SND1: variants seen among roughly 807,000 people sequenced by gnomAD.
The protein encoded by SND1 is staphylococcal nuclease domain-containing protein 1.
In SND1, 38 loss-of-function variants were observed where a neutral mutation model predicts 121.7. The ratio of observed to expected loss-of-function variants is 0.31; its 90% CI spans 0.24 to 0.41. The LOEUF (loss-of-function observed/expected upper bound fraction) is 0.41, where lower values mean the gene tolerates loss of function less well. Among genes scored for constraint, SND1 ranks in the 10% least tolerant of loss-of-function variants. The pLI is 1.00. For missense variants in SND1, 868 were observed against 1,184.6 expected (o/e 0.73, Z 3.92); for synonymous variants, 401 against 447.4 (o/e 0.90, Z 1.31).
chr7:127,864,952 T>A (rs1799442835), intron 12 of SND1, among the ~76,000 whole-genome samples: 1 of 152,196 alleles, frequency 6.6e-6, no homozygotes, highest in Non-Finnish European at 1.5e-5. Flanking sequence ...GTAGACCATA[T>A]GAATGAGGAT....
intron 10 of SND1, among the ~76,000 whole-genome samples, chr7:127,798,381 C>G (rs1275762850): frequency 1.3e-5 from 2 of 152,210 alleles, no homozygotes; most frequent in Non-Finnish European, 2.9e-5. Flanking sequence ...GACATGCCTA[C>G]TCTTGCCATT....
chr7:127,928,906 A>G (rs1283684926), intron 14 of SND1, among the ~76,000 whole-genome samples: 4 of 152,188 alleles, frequency 2.6e-5, no homozygotes, highest in Non-Finnish European at 5.9e-5. Flanking sequence ...ATTTTGTGTT[A>G]AAGGAAGATG....
At chr7:127,716,620 C>A (rs1279151566) in intron 9 of SND1, among the ~76,000 whole-genome samples, 1 of 151,930 alleles carries the variant, frequency 6.6e-6, no homozygotes, top group Non-Finnish European at 1.5e-5. Flanking sequence ...AGTTTTTTAC[C>A]TATACGTCAT....
chr7:127,895,703 T>C (rs1800106037), intron 13 of SND1, among the ~76,000 whole-genome samples: 2 of 152,128 alleles, frequency 1.3e-5, no homozygotes, highest in African/African-American at 4.8e-5. Context: ...TGGGGAAATT[T>C]AGCTTTTCCC....
chr7:127,667,441 A>G (rs1246599887), intron 1 of SND1, among the ~76,000 whole-genome samples: 1 of 152,120 alleles, frequency 6.6e-6, no homozygotes, highest in African/African-American at 2.4e-5. Flanking sequence ...TGTACAGTAC[A>G]TTTTACTCAG....
intron 16 of SND1, among the ~76,000 whole-genome samples, chr7:128,032,296 T>G (rs1405358283): frequency 6.7e-6 from 1 of 149,230 alleles, no homozygotes; most frequent in African/African-American, 2.5e-5. Context: ...CTTCCTCCTC[T>G]CTTCCTCTCT....
intron 2 of SND1, among the ~76,000 whole-genome samples, chr7:127,688,760 T>A (rs909501921): frequency 1.3e-5 from 2 of 151,630 alleles, no homozygotes; most frequent in Non-Finnish European, 2.9e-5. Flanking sequence ...AATTTCTGGA[T>A]TCCAATTATT....
chr7:127,939,030 G>C (rs2116835468), intron 15 of SND1, among the ~76,000 whole-genome samples: 1 of 152,290 alleles, frequency 6.6e-6, no homozygotes, highest in Non-Finnish European at 1.5e-5. Context: ...AAGCATAAGG[G>C]TAAGCAAAAC....
At chr7:128,074,717 T>C in intron 17 of SND1, 27 bp downstream of exon 17, 1 of 1,575,808 alleles carries the variant, frequency 6.3e-7, no homozygotes, top group Non-Finnish European at 8.6e-7. Context: ...AGCTGTGCTC[T>C]CCCTGCCCTC....
At chr7:127,920,942 A>G (rs1399213979) in intron 14 of SND1, among the ~76,000 whole-genome samples, 1 of 152,048 alleles carries the variant, frequency 6.6e-6, no homozygotes, top group African/African-American at 2.4e-5. Flanking sequence ...TTTTACCACT[A>G]AAAGGCAATG....
intron 16 of SND1, among the ~76,000 whole-genome samples, chr7:128,022,130 G>A (rs866294579): frequency 6.7e-5 from 10 of 149,206 alleles, no homozygotes; most frequent in African/African-American, 2.2e-4. Context: ...GCTTGAACCC[G>A]GGAGGCGGAG....
chr7:127,755,163 A>G (rs969343878), intron 10 of SND1, among the ~76,000 whole-genome samples: 2 of 152,110 alleles, frequency 1.3e-5, no homozygotes, highest in African/African-American at 2.4e-5. Flanking sequence ...CTGTTGCCCA[A>G]AATACCTGAG....
At chr7:127,659,973 G>A (rs1038145916) in intron 1 of SND1, among the ~76,000 whole-genome samples, 13 of 149,484 alleles carry the variant, frequency 8.7e-5, no homozygotes, top group Middle Eastern at 3.5e-3. Context: ...TTGAATTGCC[G>A]TTTATCTTGC....
intron 10 of SND1, among the ~76,000 whole-genome samples, chr7:127,784,707 TGTAC>T (rs1463550249): frequency 6.6e-6 from 1 of 152,210 alleles, no homozygotes; most frequent in African/African-American, 2.4e-5. Flanking sequence ...GAGCCTCTTG[TGTAC>T]GTAGTGAAAG....
chr7:127,688,361 A>G (rs1795853518), intron 2 of SND1, among the ~76,000 whole-genome samples: 1 of 152,068 alleles, frequency 6.6e-6, no homozygotes, highest in East Asian at 1.9e-4. Flanking sequence ...TGGCTTCTAC[A>G]CTTTGAAACA....
intron 16 of SND1, among the ~76,000 whole-genome samples, chr7:128,053,198 C>T (rs1241473945): frequency 6.6e-6 from 1 of 152,202 alleles, no homozygotes; most frequent in African/African-American, 2.4e-5. Context: ...TTTAGGACTG[C>T]AGGAAGCTCT....
intron 6 of SND1, 58 bp downstream of exon 6, chr7:127,702,584 G>T (rs757605552): frequency 1.7e-5 from 24 of 1,374,036 alleles, no homozygotes; most frequent in Non-Finnish European, 2.3e-5. Flanking sequence ...TTCAGTGATG[G>T]ATTCTTCTAC....
At position 127,721,327 on chromosome 7, in the gene SND1, T is replaced by C; in HGVS notation, c.1079T>C (p.Leu360Pro). The change falls in exon 10 of 24, where the codon CTG (leucine) becomes CCG (proline). Residue 360 changes from leucine to proline, a missense_variant. Physicochemically the swap from Leu to Pro is moderately conservative, Grantham distance 98 (BLOSUM62 -3). Coordinates refer to ENST00000354725, the MANE Select transcript of SND1 (RefSeq NM_014390.4). ...AATGCTGATGCCATTGTTGTGAAGC[T>C]GAACTCAGGCGATTACAAGACGATT... Reference protein sequence around the residue: ...VLNADAIVVKLNSGDYKTIHL... With the variant: ...VLNADAIVVKPNSGDYKTIHL... 1.2e-6 allele frequency: 2 copies of C among 1,613,800 alleles called. No individual in the cohort carries two copies. The highest frequency in any genetic ancestry group is 8.5e-7 in the Non-Finnish European group (1 of 1,179,838).
chr7:127,941,605 G>A (rs1331957730), intron 15 of SND1, among the ~76,000 whole-genome samples: 1 of 152,092 alleles, frequency 6.6e-6, no homozygotes, highest in African/African-American at 2.4e-5. Context: ...TTGGAACATG[G>A]TGTCTGTCTC....
Sources: gnomAD v4.1 joint callset for allele counts (sites outside exome capture counted in the v4.1 genomes callset) on GRCh38, gnomAD v4.1.1 for gene constraint, MANE v1.5 for transcripts, NCBI Gene and HGNC (gene_info 2026-07-23, HGNC 2026-07-21) for gene names.